VWA8: variants seen among roughly 807,000 people sequenced by gnomAD.
The protein encoded by VWA8 is von Willebrand factor A domain containing 8.
VWA8 carries 221 observed loss-of-function variants against 241.5 expected under a neutral mutation model. The observed-to-expected ratio is 0.91, with a 90% CI of 0.82 to 1.02. The LOEUF is 1.02. Ranked by LOEUF, VWA8 falls within the 50% of genes least tolerant of loss-of-function variation. The probability of loss-of-function intolerance (pLI) is 0.00; values close to 1 mark genes in which losing one functional copy is unlikely to be tolerated. For missense variants in VWA8, 2,322 were observed against 2,328.7 expected (o/e 1.00, Z 0.06); for synonymous variants, 852 against 827.1 (o/e 1.03, Z -0.52).
chr13:41,639,005 G>A (rs1163499379), intron 37 of VWA8, among the ~76,000 whole-genome samples: 2 of 152,140 alleles, frequency 1.3e-5, no homozygotes, highest in Non-Finnish European at 2.9e-5. Flanking sequence ...AACTGAGCTT[G>A]GGAAGTCAAA....
At position 41,754,040 on chromosome 13, in the gene VWA8, A is replaced by G. The variant is rs947520778; in HGVS notation, c.2426+7088T>C. ...TGTAGCCCTAAAACTGTATATAATA[A>G]ATAAAAAATTCCCCACACTGAAATT... On this transcript the variant is annotated intron_variant, in intron 21 of 44. Transcript: ENST00000379310. 6.6e-5 allele frequency among the ~76,000 whole-genome samples: 10 copies of G among 152,272 alleles called. 1 individual carries two copies. In the East Asian group the frequency reaches 1.3e-3, roughly 21 times the overall value.
At chr13:41,785,094 T>A (rs926273454) in intron 18 of VWA8, among the ~76,000 whole-genome samples, 1 of 152,014 alleles carries the variant, frequency 6.6e-6, no homozygotes, top group Non-Finnish European at 1.5e-5. Context: ...AGTTCAATAA[T>A]ATTAATAACA....
At chr13:41,781,870 T>C (rs1183059654) in intron 19 of VWA8, among the ~76,000 whole-genome samples, 1 of 152,228 alleles carries the variant, frequency 6.6e-6, no homozygotes, top group Non-Finnish European at 1.5e-5. Context: ...GGGCTGTGCC[T>C]TAGTGATATG....
At chr13:41,816,606 T>G in intron 16 of VWA8, 92 bp downstream of exon 16, 3 of 1,284,850 alleles carry the variant, frequency 2.3e-6, no homozygotes, top group South Asian at 2.7e-5. Context: ...AAATACCAGC[T>G]TAAAAAATAG....
intron 21 of VWA8, among the ~76,000 whole-genome samples, chr13:41,740,154 C>A (rs1003548827): frequency 6.6e-6 from 1 of 152,038 alleles, no homozygotes; most frequent in African/African-American, 2.4e-5. Context: ...CACACCCAGT[C>A]CCCAGTGTCA....
At chr13:41,829,551 ACACACACACACACACATG>A (rs1471728867) in intron 14 of VWA8, among the ~76,000 whole-genome samples, 5 of 143,976 alleles carry the variant, frequency 3.5e-5, no homozygotes, top group Admixed American at 1.4e-4. Flanking sequence ...ACACACACAC[ACACACACACACACACATG>A]CACACACACA....
At position 41,743,825 on chromosome 13, in the gene VWA8, T is replaced by C. The variant is rs1277531895; in HGVS notation, c.2427-11670A>G. Among the ~76,000 whole-genome samples, 5 of 152,240 alleles carry C rather than the reference T, an allele frequency of 3.3e-5. No individual in the cohort carries two copies. The East Asian group carries it at 9.6e-4, about 29-fold the overall frequency. On this transcript the variant is annotated intron_variant, in intron 21 of 44. Transcript: ENST00000379310. ...TTGTCTGTCATTCTGTTCATTGTTG[T>C]ATTCTCAAGAACAGTACTATGGACA...
Position 41,830,630 on chromosome 13 carries a change from A to G in VWA8, c.1599T>C (p.Asp533=). Residue 533 remains aspartate, a synonymous_variant, in exon 14 of 45, where the codon GAT becomes GAC. Transcript: ENST00000379310. Reference sequence around the variant, plus strand: ...AACCATCATAGAGGCTTAGCTCTCGATCATGGATTAACCTAACAAGATAAG... The same window carrying G: ...AACCATCATAGAGGCTTAGCTCTCGGTCATGGATTAACCTAACAAGATAAG... ...TLAVLQRLIH[D]RELSLYDGSR... is the part of the protein sequence containing the mutation. 6.2e-7 allele frequency: 1 copy of G among 1,613,472 alleles called. No individual in the cohort carries two copies. Among genetic ancestry groups the G allele is most frequent in the Middle Eastern group, 1.7e-4 (1 of 6,052 alleles).
chr13:41,921,047 G>A (rs1566039766), intron 2 of VWA8, among the ~76,000 whole-genome samples: 1 of 152,100 alleles, frequency 6.6e-6, no homozygotes, highest in Admixed American at 6.5e-5. Context: ...ATAAAATACT[G>A]GCAAACCAAA....
chr13:41,659,453 T>C (rs140087705), intron 37 of VWA8, among the ~76,000 whole-genome samples: 1 of 152,358 alleles, frequency 6.6e-6, no homozygotes, highest in African/African-American at 2.4e-5. Flanking sequence ...CATTGGTATA[T>C]GATTAGCACA....
At position 41,675,322 on chromosome 13, in the gene VWA8, A is replaced by G. The variant is rs767869340; in HGVS notation, c.4328-26T>C. On this transcript the variant is annotated intron_variant, in intron 35 of 44. Coordinates refer to ENST00000379310, the MANE Select transcript of VWA8 (RefSeq NM_015058.2). ...CTACAAACAAGTCATGACATGAGCCAAGTATTAAATTACTGCAAGATACCA... is the reference window on the plus strand; with the variant it reads ...CTACAAACAAGTCATGACATGAGCCGAGTATTAAATTACTGCAAGATACCA... 9.0e-6 allele frequency: 14 copies of G among 1,561,548 alleles called. No individual in the cohort carries two copies. In the South Asian group the frequency reaches 1.2e-4, roughly 14 times the overall value.
At chr13:41,664,388 G>GGTGT (rs2044972444) in intron 37 of VWA8, among the ~76,000 whole-genome samples, 1 of 104,628 alleles carries the variant, frequency 9.6e-6, no homozygotes, top group Admixed American at 9.8e-5. Flanking sequence ...GACATGCTTT[G>GGTGT]ATGTGTGTGT....
chr13:41,936,241 TTTGCTATC>T (rs1432797911), intron 2 of VWA8, among the ~76,000 whole-genome samples: 1 of 152,160 alleles, frequency 6.6e-6, no homozygotes, highest in African/African-American at 2.4e-5. Flanking sequence ...TGTATGAAAG[TTTGCTATC>T]TTGCTATATA....
rs183921811 is a variant in VWA8 at position 41,635,835 on chromosome 13, C to T, written c.4612-20751G>A. On this transcript the variant is annotated intron_variant, in intron 37 of 44. Transcript: ENST00000379310. ...TGAAGAACGAGTAAGAATTAGACAG[C>T]GCAGGAGGGTGGAGATTTCAGGCAG... 7.2e-5 allele frequency among the ~76,000 whole-genome samples: 11 copies of T among 151,854 alleles called. No individual in the cohort carries two copies. The East Asian group carries it at 1.7e-3, about 24-fold the overall frequency.
intron 2 of VWA8, among the ~76,000 whole-genome samples, chr13:41,929,546 G>A (rs1271260003): frequency 1.3e-5 from 2 of 151,888 alleles, no homozygotes; most frequent in Non-Finnish European, 2.9e-5. Context: ...GTATGATACT[G>A]GCAAAAAAAA....
At position 41,701,421 on chromosome 13, in the gene VWA8, T is replaced by C. The variant is rs2045248790; in HGVS notation, c.3335A>G (p.Asn1112Ser). The C allele has an allele frequency of 1.9e-6, 3 of 1,609,104 alleles. No homozygotes were observed. The highest frequency in any genetic ancestry group is 2.5e-6 in the Non-Finnish European group (3 of 1,178,334). The part of the protein sequence containing the change: ...ASWRIPLDEI[N>S]IICDIATSHE... ...TGATGTAGCAATGTCACAGATTATA[T>C]TAATTTCATCCAATGGTATTCTCCA... The change falls in exon 28 of 45, where the codon AAT becomes AGT. Residue 1112 changes from asparagine to serine, a missense_variant. Transcript: ENST00000379310.
chr13:41,602,304 T>C lies in VWA8; in HGVS notation c.4986+2864A>G, dbSNP rs114192369. 5.4e-3 allele frequency among the ~76,000 whole-genome samples: 818 copies of C among 152,214 alleles called. 13 individuals are homozygous for C. Among genetic ancestry groups the C allele is most frequent in the African/African-American group, 0.019 (783 of 41,546 alleles). ...ATGTAAGCATATGCTTTTTATGGAA[T>C]TGTTGAGTTGGAAAAAGAGAAAAGA... On this transcript the variant is annotated intron_variant, in intron 40 of 44. Coordinates refer to ENST00000379310, the MANE Select transcript of VWA8 (RefSeq NM_015058.2).
intron 21 of VWA8, among the ~76,000 whole-genome samples, chr13:41,758,391 T>TATATATATATAC (rs1480398387): frequency 2.4e-4 from 3 of 12,734 alleles, no homozygotes; most frequent in African/African-American, 4.3e-4. Flanking sequence ...TATATATATA[T>TATATATATATAC]ACGCTAGTAT....
intron 13 of VWA8, among the ~76,000 whole-genome samples, chr13:41,830,929 G>A (rs1566474089): frequency 6.6e-6 from 1 of 152,068 alleles, no homozygotes; most frequent in Non-Finnish European, 1.5e-5. Flanking sequence ...AAAAGAAACA[G>A]CTGAATGAGT....
Sources: gnomAD v4.1 joint callset for allele counts (sites outside exome capture counted in the v4.1 genomes callset) on GRCh38, gnomAD v4.1.1 for gene constraint, MANE v1.5 for transcripts, NCBI Gene and HGNC (gene_info 2026-07-23, HGNC 2026-07-21) for gene names.